KIAA1217: variants seen among roughly 807,000 people sequenced by gnomAD.
KIAA1217 encodes the protein sickle tail protein homolog.
Under a neutral mutation model 163.9 loss-of-function variants are expected in KIAA1217, and 88 were observed. The observed-to-expected ratio is 0.54, with a 90% confidence interval of 0.45 to 0.64. The LOEUF (loss-of-function observed/expected upper bound fraction) is 0.64, where lower values mean the gene tolerates loss of function less well. Among genes scored for constraint, KIAA1217 ranks in the 30% least tolerant of loss-of-function variants. The pLI, the probability that KIAA1217 is intolerant of heterozygous loss-of-function variation, is 0.00. For missense variants in KIAA1217, 2,372 were observed against 2,475.0 expected (o/e 0.96, Z 0.88); for synonymous variants, 903 against 923.1 (o/e 0.98, Z 0.39).
chr10:24,185,375 A>G (rs112359226), intron 2 of KIAA1217, among the ~76,000 whole-genome samples: 1 of 72,328 alleles, frequency 1.4e-5, no homozygotes, highest in Non-Finnish European at 3.9e-5. Context: ...CAAGTCCTCG[A>G]ACTCTTCCTT....
At chr10:24,346,568 CTTTT>C (rs1177259021) in intron 2 of KIAA1217, among the ~76,000 whole-genome samples, 1 of 121,036 alleles carries the variant, frequency 8.3e-6, no homozygotes, top group Non-Finnish European at 1.7e-5. Context: ...TTTGTTGGCC[CTTTT>C]TTTTTTTTTT....
At chr10:23,747,423 G>A (rs1839472515) in intron 1 of KIAA1217, among the ~76,000 whole-genome samples, 1 of 152,120 alleles carries the variant, frequency 6.6e-6, no homozygotes, top group African/African-American at 2.4e-5. Flanking sequence ...TGGGTTTCAG[G>A]AGAGAGATAA....
At chr10:23,889,400 G>A (rs1435522181) in intron 1 of KIAA1217, among the ~76,000 whole-genome samples, 1 of 151,834 alleles carries the variant, frequency 6.6e-6, no homozygotes, top group Non-Finnish European at 1.5e-5. Context: ...CAGTCATGAT[G>A]CTGAGCACCT....
At chr10:24,353,064 G>A (rs2048656929) in intron 2 of KIAA1217, among the ~76,000 whole-genome samples, 1 of 151,988 alleles carries the variant, frequency 6.6e-6, no homozygotes, top group Admixed American at 6.6e-5. Flanking sequence ...CAGCCTCCTA[G>A]GTCTTCTAGG....
At chr10:23,874,805 T>G (rs28391416) in intron 1 of KIAA1217, among the ~76,000 whole-genome samples, 2,795 of 152,118 alleles carry the variant, frequency 0.018, 99 homozygotes, top group African/African-American at 0.064. Context: ...CAAATAATCA[T>G]ACAGAAAGGG....
intron 1 of KIAA1217, among the ~76,000 whole-genome samples, chr10:23,960,001 C>T (rs1349106284): frequency 6.6e-6 from 1 of 150,672 alleles, no homozygotes. Context: ...CCGCAAGCTC[C>T]TCCTCCCGGG....
intron 10 of KIAA1217, 60 bp from the exon 11 acceptor site, chr10:24,520,063 T>C (rs879099504): frequency 2.6e-6 from 4 of 1,513,554 alleles, no homozygotes; most frequent in African/African-American, 1.4e-5. Flanking sequence ...ACTCGGCCCC[T>C]CCTCTTCCTC....
chr10:24,055,596 G>C (rs956044140), intron 2 of KIAA1217, among the ~76,000 whole-genome samples: 3 of 152,136 alleles, frequency 2.0e-5, no homozygotes, highest in African/African-American at 7.2e-5. Context: ...TATTTGTGTG[G>C]CTGTCCTTCC....
Position 23,928,210 on chromosome 10 carries a change from CCT to C in KIAA1217, c.-320-79014_-320-79013del, listed in dbSNP as rs574416901. 2.7e-3 allele frequency among the ~76,000 whole-genome samples: 417 copies of C among 152,250 alleles called. 3 individuals are homozygous for C. Among genetic ancestry groups the C allele is most frequent in the African/African-American group, 9.0e-3 (373 of 41,562 alleles). On this transcript the variant is annotated intron_variant, in intron 1 of 18. Coordinates refer to the KIAA1217 transcript ENST00000376462. ...AGCTCCTTCGAGCAGCACAGGGTCC[CCT>C]GAGAGCAGTTTAGGCTTGGTAGGGC...
chr10:24,230,883 T>C (rs1351505113), intron 2 of KIAA1217, among the ~76,000 whole-genome samples: 2 of 152,178 alleles, frequency 1.3e-5, no homozygotes, highest in East Asian at 3.9e-4. Flanking sequence ...CAGGCTTGTC[T>C]GAGGAGACAC....
At chr10:24,538,215 C>A (rs886920574) in intron 17 of KIAA1217, among the ~76,000 whole-genome samples, 2 of 152,140 alleles carry the variant, frequency 1.3e-5, no homozygotes, top group Non-Finnish European at 2.9e-5. Flanking sequence ...GCTCCCAGCT[C>A]CCAGCCAAGA....
chr10:24,509,005 G>A (rs537349082), intron 9 of KIAA1217, among the ~76,000 whole-genome samples: 16 of 152,136 alleles, frequency 1.1e-4, no homozygotes, highest in Non-Finnish European at 2.1e-4. Context: ...AAAATTCATC[G>A]AACGGTGCAC....
intron 1 of KIAA1217, among the ~76,000 whole-genome samples, chr10:23,733,653 T>C (rs12775662): frequency 6.6e-6 from 1 of 152,150 alleles, no homozygotes; most frequent in Non-Finnish European, 1.5e-5. Context: ...CTATCTGGGG[T>C]TGGTTGAATC....
At chr10:23,715,144 G>A (rs530795346) in intron 1 of KIAA1217, among the ~76,000 whole-genome samples, 19 of 152,232 alleles carry the variant, frequency 1.2e-4, no homozygotes, top group East Asian at 9.6e-4. Flanking sequence ...TCAAAATGGC[G>A]GATTAGCATT....
intron 2 of KIAA1217, among the ~76,000 whole-genome samples, chr10:24,343,328 A>G (rs1404560134): frequency 1.3e-5 from 2 of 152,174 alleles, no homozygotes; most frequent in Admixed American, 6.5e-5. Context: ...CCCAATGAGT[A>G]AAAAAAGCTC....
rs535940879 is a variant in KIAA1217, at chr10:24,544,925, A to T, written c.5212-56A>T. The T allele has an allele frequency of 1.4e-5, 22 of 1,585,586 alleles. No homozygotes were observed. In the East Asian group the frequency reaches 4.3e-4, roughly 31 times the overall value. On this transcript the variant is annotated intron_variant, in intron 19 of 20. Coordinates refer to ENST00000376454, the MANE Select transcript of KIAA1217 (RefSeq NM_019590.5). ...TGCACATCGTGGGGCAGCCTCACAGATGACCTACTCATGCGCTTCTCCTTC... is the reference window on the plus strand; with the variant it reads ...TGCACATCGTGGGGCAGCCTCACAGTTGACCTACTCATGCGCTTCTCCTTC...
intron 10 of KIAA1217, among the ~76,000 whole-genome samples, chr10:24,516,354 C>T (rs1257484371): frequency 6.6e-6 from 1 of 152,244 alleles, no homozygotes; most frequent in Non-Finnish European, 1.5e-5. Flanking sequence ...AGACCATACT[C>T]AGGCCTCACA....
intron 1 of KIAA1217, among the ~76,000 whole-genome samples, chr10:23,866,875 T>C (rs1409579202): frequency 6.6e-6 from 1 of 151,960 alleles, no homozygotes; most frequent in African/African-American, 2.4e-5. Flanking sequence ...ATACTTTAAG[T>C]TTTAGGGTAC....
chr10:24,353,491 GA>G (rs1401934976), intron 2 of KIAA1217, among the ~76,000 whole-genome samples: 6 of 152,014 alleles, frequency 3.9e-5, no homozygotes, highest in Admixed American at 2.6e-4. Flanking sequence ...AATGCTTTTT[GA>G]AAGCCTTTTA....
Sources: gnomAD v4.1 joint callset for allele counts (sites outside exome capture counted in the v4.1 genomes callset) on GRCh38, gnomAD v4.1.1 for gene constraint, MANE v1.5 for transcripts, NCBI Gene and HGNC (gene_info 2026-07-23, HGNC 2026-07-21) for gene names.